Variants in TACC1 observed in about 807,000 individuals in gnomAD.
TACC1 encodes transforming acidic coiled-coil-containing protein 1.
A neutral mutation model predicts 84.4 loss-of-function variants in TACC1; 48 were observed. That is an observed-to-expected ratio of 0.57 (90% CI 0.45 to 0.72). The LOEUF is 0.72. Ranked by LOEUF, TACC1 falls within the 30% of genes least tolerant of loss-of-function variation. The pLI is 0.00. For missense variants in TACC1, 920 were observed against 973.0 expected (o/e 0.95, Z 0.72); for synonymous variants, 372 against 376.3 (o/e 0.99, Z 0.13).
At chr8:38,772,993 T>C (rs968837063) in intron 3 of TACC1, among the ~76,000 whole-genome samples, 2 of 152,170 alleles carry the variant, frequency 1.3e-5, no homozygotes, top group African/African-American at 4.8e-5. Flanking sequence ...ATACTTAACC[T>C]GAATAAGTAC....
intron 8 of TACC1, 67 bp downstream of exon 8, chr8:38,838,613 G>A (rs1830663988): frequency 1.5e-6 from 2 of 1,300,210 alleles, no homozygotes; most frequent in Non-Finnish European, 2.2e-6. Context: ...TACAGATGAA[G>A]TGATGACAGT....
chr8:38,738,916 G>GCTCACACT (rs977108635), intron 1 of TACC1, among the ~76,000 whole-genome samples: 1 of 151,990 alleles, frequency 6.6e-6, no homozygotes, highest in African/African-American at 2.4e-5. Context: ...TTGAGACTGA[G>GCTCACACT]CTCACACTCT....
intron 9 of TACC1, 92 bp from the exon 10 acceptor site, chr8:38,842,195 G>T (rs764942316): frequency 6.1e-5 from 90 of 1,463,862 alleles, no homozygotes; most frequent in Admixed American, 1.0e-4. Context: ...CACATCCCCG[G>T]CTGTGTCCCT....
At chr8:38,767,342 C>G (rs565383522) in intron 3 of TACC1, among the ~76,000 whole-genome samples, 4 of 152,292 alleles carry the variant, frequency 2.6e-5, no homozygotes, top group Admixed American at 2.6e-4. Context: ...GTGTGTGAAG[C>G]CATGATTCCT....
intron 6 of TACC1, among the ~76,000 whole-genome samples, chr8:38,833,159 T>TTTG (rs1284980068): frequency 6.6e-6 from 1 of 152,198 alleles, no homozygotes; most frequent in African/African-American, 2.4e-5. Context: ...CTTGCTTAAT[T>TTTG]TTGTTGTTGT....
chr8:38,771,273 C>T (rs1813550838), intron 3 of TACC1, among the ~76,000 whole-genome samples: 1 of 152,040 alleles, frequency 6.6e-6, no homozygotes, highest in Admixed American at 6.5e-5. Context: ...AACCACATGC[C>T]CCTAGAGTTT....
At chr8:38,821,611 C>T (rs563354082) in intron 3 of TACC1, among the ~76,000 whole-genome samples, 1 of 152,336 alleles carries the variant, frequency 6.6e-6, no homozygotes, top group East Asian at 1.9e-4. Context: ...AATCCCCCAT[C>T]TCTCCTGGGA....
chr8:38,819,993 C>A lies in TACC1; in HGVS notation c.749C>A (p.Thr250Asn), dbSNP rs763497334. The change falls in exon 3 of 13, where the codon ACC becomes AAC. Residue 250 changes from threonine (T) to asparagine (N), a missense_variant. By Grantham distance (65) the Thr-to-Asn change is moderately conservative. Transcript: ENST00000317827. Reference sequence around the variant, plus strand: ...GCAATTGGAGGAGAGTTCTCAGACACCAACGCTGCTGTGGAGGGCACACCT... The same window carrying A: ...GCAATTGGAGGAGAGTTCTCAGACAACAACGCTGCTGTGGAGGGCACACCT... ...KKAIGGEFSDTNAAVEGTPLP... is the reference protein window; with the variant it reads ...KKAIGGEFSDNNAAVEGTPLP... 3 of 1,613,934 alleles carry A rather than the reference C, an allele frequency of 1.9e-6. No individual in the cohort carries two copies. The highest frequency in any genetic ancestry group is 2.5e-6 in the Non-Finnish European group (3 of 1,180,050).
intron 9 of TACC1, among the ~76,000 whole-genome samples, chr8:38,841,783 G>A (rs1233177451): frequency 6.6e-6 from 1 of 152,126 alleles, no homozygotes; most frequent in Non-Finnish European, 1.5e-5. Context: ...AGACCCAGCG[G>A]TGCCTTTACA....
intron 3 of TACC1, among the ~76,000 whole-genome samples, chr8:38,781,999 T>C (rs1332905551): frequency 7.1e-6 from 1 of 140,218 alleles, no homozygotes; most frequent in Non-Finnish European, 1.5e-5. Context: ...TTTTTATTAT[T>C]TTTTTTTGCA....
chr8:38,788,843 C>T (rs1184075952), intron 2 of TACC1, 24 bp downstream of exon 2: 8 of 1,556,038 alleles, frequency 5.1e-6, no homozygotes, highest in Non-Finnish European at 7.0e-6. Flanking sequence ...TGCATTTTTC[C>T]TGCCTGTTTT....
chr8:38,817,812 C>T (rs1309148503), intron 2 of TACC1, among the ~76,000 whole-genome samples: 3 of 149,412 alleles, frequency 2.0e-5, no homozygotes, highest in Non-Finnish European at 4.4e-5. Flanking sequence ...ATCCCAGCTA[C>T]TTGGGCAGCT....
intron 2 of TACC1, among the ~76,000 whole-genome samples, chr8:38,789,435 C>T (rs970078244): frequency 2.0e-5 from 3 of 152,196 alleles, no homozygotes; most frequent in African/African-American, 4.8e-5. Flanking sequence ...CCTATCCCAA[C>T]AGAATTCATA....
chr8:38,825,387 C>G lies in TACC1; in HGVS notation c.1452+19C>G, dbSNP rs769860369. On this transcript the variant is annotated intron_variant, in intron 4 of 12. Coordinates refer to ENST00000317827, the MANE Select transcript of TACC1 (RefSeq NM_006283.3). ...TTCTCGGGTGAGTCTGTGCCCATCT[C>G]CAGAATGTCTCTGAGACCAGGGGTC... is the stretch of plus-strand genomic sequence containing the variant. 8 of 1,613,856 alleles carry G rather than the reference C, an allele frequency of 5.0e-6. No individual in the cohort carries two copies. Among genetic ancestry groups the G allele is most frequent in the Non-Finnish European group, 5.1e-6 (6 of 1,179,886 alleles).
chr8:38,765,127 C>G (rs1432825347), intron 3 of TACC1, among the ~76,000 whole-genome samples: 1 of 151,438 alleles, frequency 6.6e-6, no homozygotes, highest in Middle Eastern at 3.2e-3. Flanking sequence ...ATCATAACCT[C>G]TCTTTCTTTC....
At chr8:38,841,822 G>T (rs1302959464) in intron 9 of TACC1, among the ~76,000 whole-genome samples, 5 of 152,108 alleles carry the variant, frequency 3.3e-5, no homozygotes, top group Non-Finnish European at 7.4e-5. Context: ...CTCCTGCATG[G>T]AATTTAGAGT....
intron 1 of TACC1, among the ~76,000 whole-genome samples, chr8:38,729,666 C>T (rs571438285): frequency 2.0e-5 from 3 of 152,142 alleles, no homozygotes; most frequent in East Asian, 1.9e-4. Flanking sequence ...GTCAGGAGTT[C>T]GAGACTAGCC....
intron 2 of TACC1, among the ~76,000 whole-genome samples, chr8:38,793,013 A>C (rs1294996833): frequency 1.3e-5 from 2 of 152,124 alleles, no homozygotes; most frequent in Non-Finnish European, 2.9e-5. Context: ...TCCTTCACCA[A>C]CATAGCCCCC....
At chr8:38,746,876 C>T (rs571044604) in intron 3 of TACC1, among the ~76,000 whole-genome samples, 10 of 151,548 alleles carry the variant, frequency 6.6e-5, no homozygotes, top group Admixed American at 3.9e-4. Context: ...TTTTTAAAGG[C>T]GGGAAATAAG....
Sources: allele counts gnomAD v4.1 joint callset (sites outside exome capture counted in the v4.1 genomes callset), GRCh38; gene constraint gnomAD v4.1.1; transcripts MANE v1.5; gene names NCBI Gene and HGNC (gene_info 2026-07-23, HGNC 2026-07-21).